The following FANCD2OS variants were observed in gnomAD, a reference collection of about 807,000 sequenced individuals.
FANCD2OS encodes the protein FANCD2 opposite strand protein.
FANCD2OS carries 11 observed loss-of-function variants against 13.2 expected under a neutral mutation model. That is an observed-to-expected ratio of 0.83 (90% CI 0.52 to 1.38). The LOEUF (loss-of-function observed/expected upper bound fraction) is 1.38. Ranked by LOEUF, FANCD2OS falls within the 40% of genes most tolerant of loss-of-function variation. The pLI, the probability that FANCD2OS is intolerant of heterozygous loss-of-function variation, is 0.00. For synonymous variants in FANCD2OS, 69 were observed against 84.5 expected (o/e 0.82, Z 1.01); for missense variants, 217 against 213.9 (o/e 1.01, Z -0.09).
At position 10,088,571 on chromosome 3, in the gene FANCD2OS, C is replaced by A. The variant is rs770473878; in HGVS notation, c.*44-7040G>T. The A allele has an allele frequency of 4.2e-6, 6 of 1,440,896 alleles. No homozygotes were observed. In the African/African-American group the frequency reaches 8.4e-5, roughly 20 times the overall value. 89.3% of individuals were successfully genotyped at this position (1,440,896 alleles called of 1,614,324 possible). A position where few individuals can be genotyped will look rare whatever the true frequency, so the allele number is the denominator to read the frequency against. ...AGATGTTTGGTTTCTTCCAATGAGC[C>A]AAATAGCTTTTTTCTATTTTGCTAC... is the stretch of plus-strand genomic sequence containing the variant. On this transcript the variant is annotated intron_variant, in intron 2 of 2. Transcript: ENST00000524279.
chr3:10,085,816 G>A (rs1694160954), intron 2 of FANCD2OS: 3 of 1,608,496 alleles, frequency 1.9e-6, no homozygotes, highest in Middle Eastern at 1.6e-4. Flanking sequence ...CCTTAGGAGT[G>A]GATTTTCTCA....
intron 2 of FANCD2OS, among the ~76,000 whole-genome samples, chr3:10,086,323 G>T (rs1221189839): frequency 6.6e-6 from 1 of 152,118 alleles, no homozygotes; most frequent in Non-Finnish European, 1.5e-5. Context: ...TGGCTGAGGG[G>T]TAGGCAGTGG....
downstream of FANCD2OS, among the ~76,000 whole-genome samples, chr3:10,097,904 T>C (rs894864754): frequency 3.9e-5 from 6 of 152,228 alleles, no homozygotes; most frequent in African/African-American, 1.4e-4. Flanking sequence ...CACGTTCTTC[T>C]GTCAAGGCTT....
intron 1 of FANCD2OS, among the ~76,000 whole-genome samples, chr3:10,105,820 A>ATATATATATATT (rs1695483587): frequency 1.4e-5 from 1 of 72,468 alleles, no homozygotes; most frequent in Non-Finnish European, 2.7e-5. Flanking sequence ...ATATATATAT[A>ATATATATATATT]TTTTGAGGTT....
chr3:10,087,329 CAAACTTTGGGCTTCCCAGGACA>C, intron 2 of FANCD2OS: 1 of 1,466,718 alleles, frequency 6.8e-7, no homozygotes. Flanking sequence ...CTCACACTTA[CAAACTTTGGGCTTCCCAGGACA>C]TTTTTACATG....
At chr3:10,090,691 T>C (rs1249080090) in intron 2 of FANCD2OS, among the ~76,000 whole-genome samples, 2 of 152,042 alleles carry the variant, frequency 1.3e-5, no homozygotes, top group Non-Finnish European at 2.9e-5. Context: ...AACTCCTGAC[T>C]TCATGATCCA....
At chr3:10,102,296 A>C (rs1695334175), downstream of FANCD2OS, among the ~76,000 whole-genome samples, 1 of 151,904 alleles carries the variant, frequency 6.6e-6, no homozygotes, top group Non-Finnish European at 1.5e-5. Flanking sequence ...GGCACACGCC[A>C]CCATGCCTGG....
At chr3:10,101,107 T>C (rs1478102521), downstream of FANCD2OS, 3 of 1,061,000 alleles carry the variant, frequency 2.8e-6, no homozygotes, top group Non-Finnish European at 4.4e-6. Flanking sequence ...AGTACAGTTG[T>C]GTATCCTCTA....
chr3:10,097,987 G>T (rs1271851876), downstream of FANCD2OS, among the ~76,000 whole-genome samples: 1 of 138,800 alleles, frequency 7.2e-6, no homozygotes, highest in African/African-American at 3.2e-5. Context: ...GCATTTATAA[G>T]GTTTTTTTTA....
At chr3:10,093,170 C>T in intron 2 of FANCD2OS, 1 of 765,366 alleles carries the variant, frequency 1.3e-6, no homozygotes, top group East Asian at 2.5e-5. Context: ...GTTGACATTC[C>T]TCCATTTTAG....
At chr3:10,105,772 T>TTTTATA (rs1553616637) in intron 1 of FANCD2OS, among the ~76,000 whole-genome samples, 1 of 22,650 alleles carries the variant, frequency 4.4e-5, no homozygotes, top group Non-Finnish European at 7.7e-5. Context: ...AAAAAAAAAA[T>TTTTATA]TATATATATA....
intron 2 of FANCD2OS, among the ~76,000 whole-genome samples, chr3:10,097,653 T>A (rs1695053828): frequency 6.6e-6 from 1 of 152,156 alleles, no homozygotes; most frequent in South Asian, 2.1e-4. Context: ...GCTGTACAAT[T>A]TGTGTAGTTA....
rs766192092 is a variant in FANCD2OS, at chr3:10,087,203, C to T, written c.*44-5672G>A. On this transcript the variant is annotated intron_variant, in intron 2 of 2. Transcript: ENST00000524279. The stretch of plus-strand genomic sequence containing the variant: ...GTTTCCAGTGTGCTCTTTATCTCAT[C>T]AGACTTTTGATGGTTATTTTGGAGA... The T allele has an allele frequency of 1.9e-6, 3 of 1,612,502 alleles. No homozygotes were observed. In the East Asian group the frequency reaches 6.7e-5, roughly 36 times the overall value.
rs1575865346 is a variant in FANCD2OS, at chr3:10,095,146, T to C, written c.*43+9052A>G. 20 of 1,452,192 alleles carry C rather than the reference T, an allele frequency of 1.4e-5. No individual in the cohort carries two copies. The South Asian group carries it at 2.3e-4, about 17-fold the overall frequency. 90.0% of individuals were successfully genotyped at this position (1,452,192 alleles called of 1,614,324 possible). A position where few individuals can be genotyped will look rare whatever the true frequency, so the allele number is the denominator to read the frequency against. ...CTTTTGATTGCAAGGGTATCTTGAATCTAAAATGAAATCAGGACATTTCAT... is the reference window on the plus strand; with the variant it reads ...CTTTTGATTGCAAGGGTATCTTGAACCTAAAATGAAATCAGGACATTTCAT... On this transcript the variant is annotated intron_variant, in intron 2 of 2. Coordinates refer to the FANCD2OS transcript ENST00000524279.
At position 10,087,862 on chromosome 3, in the gene FANCD2OS, T is replaced by TG. The variant is rs1694316826; in HGVS notation, c.*44-6332dup. Among the ~76,000 whole-genome samples, 4 of 152,216 alleles carry TG rather than the reference T, an allele frequency of 2.6e-5. No homozygotes were observed. In the South Asian group the frequency reaches 8.3e-4, roughly 32 times the overall value. On this transcript the variant is annotated intron_variant, in intron 2 of 2. Transcript: ENST00000524279. ...CGGGGTTTCACCATGTTGGTCAGGCTGGTCTCGAACTCCTGACCTCGTGAT... is the reference window on the plus strand; with the variant it reads ...CGGGGTTTCACCATGTTGGTCAGGCTGGGTCTCGAACTCCTGACCTCGTGAT...
rs1694882444 is a variant in FANCD2OS, at chr3:10,095,206, G to A, written c.*43+8992C>T. On this transcript the variant is annotated intron_variant, in intron 2 of 2. Transcript: ENST00000524279. ...ATAAACTTATTGGTTATAGGAAGATGTTCTGAGCTTACTGGAAACCTTCCA... is the reference window on the plus strand; with the variant it reads ...ATAAACTTATTGGTTATAGGAAGATATTCTGAGCTTACTGGAAACCTTCCA... 3 of 1,613,356 alleles carry A rather than the reference G, an allele frequency of 1.9e-6. No individual in the cohort carries two copies. The African/African-American group carries it at 4.0e-5, about 22-fold the overall frequency.
chr3:10,083,912 T>C lies in FANCD2OS; in HGVS notation c.*44-2381A>G, dbSNP rs1275590566. ...CAAAAAAAAAAAAAAAAAAAAGGTA[T>C]GTCCACCAGGGTCTGGTACAGGAAT... On this transcript the variant is annotated intron_variant, in intron 2 of 2. Coordinates refer to the FANCD2OS transcript ENST00000524279. Among the ~76,000 whole-genome samples, 7 of 148,512 alleles carry C rather than the reference T, an allele frequency of 4.7e-5. No homozygotes were observed. The East Asian group carries it at 7.9e-4, about 17-fold the overall frequency.
chr3:10,090,357 A>G, intron 2 of FANCD2OS: 2 of 1,607,706 alleles, frequency 1.2e-6, no homozygotes, highest in Non-Finnish European at 1.7e-6. Flanking sequence ...AAAAAAATTG[A>G]GCCTGGCACA....
intron 2 of FANCD2OS, chr3:10,087,325 C>T (rs909232385): frequency 2.0e-6 from 3 of 1,487,028 alleles, no homozygotes; most frequent in Non-Finnish European, 2.7e-6. Context: ...ATATCTCACA[C>T]TTACAAACTT....
Sources: allele counts gnomAD v4.1 joint callset (sites outside exome capture counted in the v4.1 genomes callset), GRCh38; gene constraint gnomAD v4.1.1; transcripts MANE v1.5; gene names NCBI Gene and HGNC (gene_info 2026-07-23, HGNC 2026-07-21).